The following CDH18 variants were observed in gnomAD, a reference collection of about 807,000 sequenced individuals.
CDH18 encodes the protein cadherin-18.
Under a neutral mutation model 67.9 loss-of-function variants are expected in CDH18, and 31 were observed. The observed-to-expected ratio is 0.46, with a 90% confidence interval of 0.34 to 0.62. The LOEUF is 0.62. Among genes scored for constraint, CDH18 ranks in the 20% least tolerant of loss-of-function variants. The probability of loss-of-function intolerance (pLI) is 0.01; values close to 1 mark genes in which losing one functional copy is unlikely to be tolerated. For missense variants in CDH18, 890 were observed against 975.5 expected, an observed-to-expected ratio of 0.91 and a Z score of 1.17; for synonymous variants, 362 against 347.2, an observed-to-expected ratio of 1.04 and a Z score of -0.48.
At chr5:19,842,663 A>C (rs1782468116) in intron 2 of CDH18, among the ~76,000 whole-genome samples, 1 of 152,174 alleles carries the variant, frequency 6.6e-6, no homozygotes, top group Non-Finnish European at 1.5e-5. Flanking sequence ...AAAGATACCC[A>C]AAAATGTGGA....
chr5:20,330,922 T>C (rs1292112809), intron 1 of CDH18, among the ~76,000 whole-genome samples: 1 of 152,212 alleles, frequency 6.6e-6, no homozygotes, highest in Non-Finnish European at 1.5e-5. Flanking sequence ...TCTTCTGCCT[T>C]ATGTCCCCCA....
chr5:19,889,092 A>G (rs923772181), intron 2 of CDH18, among the ~76,000 whole-genome samples: 16 of 152,226 alleles, frequency 1.1e-4, no homozygotes, highest in African/African-American at 3.6e-4. Flanking sequence ...TGTAAATACT[A>G]TGTAAATGGT....
intron 5 of CDH18, among the ~76,000 whole-genome samples, chr5:19,717,740 T>C (rs1765511973): frequency 6.6e-6 from 1 of 152,084 alleles, no homozygotes; most frequent in African/African-American, 2.4e-5. Flanking sequence ...TTCCTCAAAA[T>C]GCATTGCTTA....
At chr5:20,468,410 C>T (rs1476593268) in intron 1 of CDH18, among the ~76,000 whole-genome samples, 2 of 152,190 alleles carry the variant, frequency 1.3e-5, no homozygotes, top group Non-Finnish European at 2.9e-5. Flanking sequence ...TCTGCCTCAT[C>T]TTTTATCTTT....
intron 2 of CDH18, among the ~76,000 whole-genome samples, chr5:20,066,374 C>A (rs997656665): frequency 6.6e-6 from 1 of 152,024 alleles, no homozygotes; most frequent in African/African-American, 2.4e-5. Context: ...CTCAATAAAA[C>A]ATATTTGGGA....
At chr5:19,503,195 A>G in intron 10 of CDH18, 86 bp from the exon 11 acceptor site, 1 of 678,608 alleles carries the variant, frequency 1.5e-6, no homozygotes, top group South Asian at 2.0e-5. Context: ...CTGTTTAAAA[A>G]TATTTTTAAA....
intron 1 of CDH18, among the ~76,000 whole-genome samples, chr5:20,283,171 G>T (rs1016060036): frequency 2.6e-5 from 4 of 151,936 alleles, no homozygotes; most frequent in Admixed American, 2.6e-4. Flanking sequence ...AATAACTTTT[G>T]TAAACTCTCC....
Position 19,630,915 on chromosome 5 carries a change from A to G in CDH18, c.644-18314T>C, listed in dbSNP as rs946187266. Among the ~76,000 whole-genome samples, 3 of 152,130 alleles carry G rather than the reference A, an allele frequency of 2.0e-5. No individual in the cohort carries two copies. The South Asian group carries it at 6.2e-4, about 31-fold the overall frequency. ...AAATAATGGCTAAGGAAGAAGGGCT[A>G]AATGAGGCATTGATTTAGTTATATA... On this transcript the variant is annotated intron_variant, in intron 5 of 12. Coordinates refer to ENST00000382275, the MANE Select transcript of CDH18 (RefSeq NM_004934.5).
chr5:20,234,845 C>T (rs753307454), intron 2 of CDH18, among the ~76,000 whole-genome samples: 2 of 152,022 alleles, frequency 1.3e-5, no homozygotes, highest in Admixed American at 6.6e-5. Flanking sequence ...AGAAAGGTTC[C>T]AAATTTGATG....
intron 1 of CDH18, chr5:20,304,109 C>T (rs896937837): frequency 2.0e-5 from 32 of 1,609,892 alleles, no homozygotes; most frequent in Middle Eastern, 1.8e-4. Flanking sequence ...GGTGTTTACC[C>T]GAATCAACAT....
chr5:19,829,021 C>T (rs1189462061), intron 3 of CDH18, among the ~76,000 whole-genome samples: 2 of 152,024 alleles, frequency 1.3e-5, no homozygotes, highest in African/African-American at 2.4e-5. Context: ...CTAGGTGACA[C>T]AGTAAGACTC....
chr5:20,545,919 G>C (rs941527475), intron 1 of CDH18, among the ~76,000 whole-genome samples: 1 of 152,036 alleles, frequency 6.6e-6, no homozygotes, highest in Non-Finnish European at 1.5e-5. Flanking sequence ...TTAAATGTAA[G>C]TTACAATTTC....
intron 4 of CDH18, among the ~76,000 whole-genome samples, chr5:19,730,770 A>AAAAG (rs1767485642): frequency 6.6e-6 from 1 of 151,376 alleles, no homozygotes; most frequent in African/African-American, 2.4e-5. Flanking sequence ...TTAAATGGTA[A>AAAAG]AAAAAAAAAA....
intron 2 of CDH18, among the ~76,000 whole-genome samples, chr5:20,042,174 G>A (rs1202218104): frequency 6.6e-6 from 1 of 152,202 alleles, no homozygotes; most frequent in African/African-American, 2.4e-5. Flanking sequence ...GCAAGATGAG[G>A]AGTAGCCTCT....
chr5:20,240,325 AT>A (rs762459160), intron 2 of CDH18, among the ~76,000 whole-genome samples: 79 of 152,238 alleles, frequency 5.2e-4, no homozygotes, highest in Non-Finnish European at 1.0e-3. Context: ...TCAAAATATG[AT>A]TTTTGATTCA....
At chr5:20,477,304 A>G (rs1247326703) in intron 1 of CDH18, among the ~76,000 whole-genome samples, 2 of 152,176 alleles carry the variant, frequency 1.3e-5, no homozygotes, top group Non-Finnish European at 2.9e-5. Flanking sequence ...CAACCACACA[A>G]GAAAGGACAT....
chr5:19,511,483 C>T (rs1745107231), intron 10 of CDH18, among the ~76,000 whole-genome samples: 1 of 152,094 alleles, frequency 6.6e-6, no homozygotes, highest in Non-Finnish European at 1.5e-5. Flanking sequence ...TTTCTAGAGA[C>T]TCGTTGAATG....
intron 1 of CDH18, among the ~76,000 whole-genome samples, chr5:20,484,194 C>T (rs1303238218): frequency 1.3e-5 from 2 of 151,956 alleles, no homozygotes; most frequent in Admixed American, 1.3e-4. Context: ...AATCACTGAT[C>T]ATCAGAAAAA....
intron 1 of CDH18, among the ~76,000 whole-genome samples, chr5:20,501,520 T>C (rs1754264934): frequency 8.4e-6 from 1 of 118,362 alleles, no homozygotes; most frequent in Non-Finnish European, 1.7e-5. Context: ...ATATATTATA[T>C]ACATATTATA....
Sources: allele counts gnomAD v4.1 joint callset (sites outside exome capture counted in the v4.1 genomes callset), GRCh38; gene constraint gnomAD v4.1.1; transcripts MANE v1.5; gene names NCBI Gene and HGNC (gene_info 2026-07-23, HGNC 2026-07-21).